DLG2: variants seen among roughly 807,000 people sequenced by gnomAD.
The protein encoded by DLG2 is discs large MAGUK scaffold protein 2, also known as disks large homolog 2.
In DLG2, 45 loss-of-function variants were observed where a neutral mutation model predicts 132.5. The observed-to-expected ratio is 0.34, with a 90% confidence interval of 0.27 to 0.44. The LOEUF is 0.44. Among genes scored for constraint, DLG2 ranks in the 20% least tolerant of loss-of-function variants. The pLI is 1.00. For synonymous variants in DLG2, 424 were observed against 419.6 expected (o/e 1.01, Z -0.13); for missense variants, 1,045 against 1,196.9 (o/e 0.87, Z 1.87).
At chr11:84,409,116 C>T (rs1438040761) in intron 7 of DLG2, among the ~76,000 whole-genome samples, 12 of 152,176 alleles carry the variant, frequency 7.9e-5, no homozygotes, top group African/African-American at 2.9e-4. Context: ...ATATTGAATT[C>T]CTTGCACTTC....
intron 26 of DLG2, among the ~76,000 whole-genome samples, chr11:83,465,542 A>G (rs1382559736): frequency 6.6e-6 from 1 of 152,194 alleles, no homozygotes; most frequent in Non-Finnish European, 1.5e-5. Flanking sequence ...CTCATGACAG[A>G]CACATTGGCA....
chr11:84,671,929 T>TGGATGGAAGGCAAGCTTCAGA (rs1333573926), intron 6 of DLG2, among the ~76,000 whole-genome samples: 1 of 152,168 alleles, frequency 6.6e-6, no homozygotes, highest in African/African-American at 2.4e-5. Flanking sequence ...CTGTGTTCCC[T>TGGATGGAAGGCAAGCTTCAGA]GGATGGAAGG....
At chr11:84,180,608 G>A in intron 8 of DLG2, among the ~76,000 whole-genome samples, 1 of 152,034 alleles carries the variant, frequency 6.6e-6, no homozygotes, top group African/African-American at 2.4e-5. Context: ...CCCAATAACT[G>A]GCATCTAGGC....
At chr11:84,612,051 C>T (rs1327245531) in intron 6 of DLG2, among the ~76,000 whole-genome samples, 1 of 152,144 alleles carries the variant, frequency 6.6e-6, no homozygotes, top group Non-Finnish European at 1.5e-5. Context: ...AGATAATGAA[C>T]ATATCCATTG....
chr11:84,570,553 G>T (rs142386360), intron 6 of DLG2, among the ~76,000 whole-genome samples: 4 of 152,200 alleles, frequency 2.6e-5, no homozygotes, highest in African/African-American at 4.8e-5. Context: ...AGTACCATCT[G>T]GTATAGAGTC....
chr11:84,198,983 T>C (rs1046287642), intron 8 of DLG2, among the ~76,000 whole-genome samples: 4 of 152,136 alleles, frequency 2.6e-5, no homozygotes, highest in Non-Finnish European at 4.4e-5. Flanking sequence ...AACAGAGCTA[T>C]GGATAACGGT....
chr11:84,394,991 A>T (rs2098806412), intron 7 of DLG2, among the ~76,000 whole-genome samples: 1 of 152,036 alleles, frequency 6.6e-6, no homozygotes, highest in African/African-American at 2.4e-5. Context: ...TTGGATACTC[A>T]CCAGTCCTCA....
At chr11:84,748,010 A>G (rs1303118590) in intron 6 of DLG2, among the ~76,000 whole-genome samples, 2 of 152,150 alleles carry the variant, frequency 1.3e-5, no homozygotes, top group African/African-American at 4.8e-5. Flanking sequence ...ATAGGCTGCC[A>G]TTCCCCTGTT....
intron 11 of DLG2, among the ~76,000 whole-genome samples, chr11:83,997,996 A>C (rs10898188): frequency 6.6e-6 from 1 of 151,452 alleles, no homozygotes; most frequent in African/African-American, 2.4e-5. Context: ...TTAGCTGGGC[A>C]TGGTGGTGTG....
intron 7 of DLG2, among the ~76,000 whole-genome samples, chr11:84,372,333 C>T (rs911028603): frequency 3.3e-5 from 5 of 152,106 alleles, no homozygotes; most frequent in African/African-American, 9.7e-5. Context: ...TCTAATTATA[C>T]ACAACAAAGA....
At chr11:84,146,195 T>G (rs546889597) in intron 9 of DLG2, among the ~76,000 whole-genome samples, 2 of 152,338 alleles carry the variant, frequency 1.3e-5, no homozygotes, top group African/African-American at 4.8e-5. Context: ...GTATAAGCTT[T>G]GGGGTATTAA....
chr11:84,879,356 TATAAG>T (rs940043911), intron 6 of DLG2, among the ~76,000 whole-genome samples: 11 of 152,164 alleles, frequency 7.2e-5, no homozygotes, highest in African/African-American at 1.7e-4. Context: ...TACTAAGAAA[TATAAG>T]ATAATTCTTG....
intron 7 of DLG2, among the ~76,000 whole-genome samples, chr11:84,391,013 C>G (rs887961366): frequency 7.9e-5 from 12 of 152,164 alleles, no homozygotes; most frequent in African/African-American, 2.9e-4. Flanking sequence ...TGCTAATTCT[C>G]TTCCTATCTC....
chr11:85,192,892 T>C (rs1186679545), intron 4 of DLG2, among the ~76,000 whole-genome samples: 2 of 152,194 alleles, frequency 1.3e-5, no homozygotes, highest in Non-Finnish European at 1.5e-5. Flanking sequence ...GGATTTAGAT[T>C]AGGACAGGGC....
chr11:85,599,348 T>TTCTCTC (rs373131909), intron 2 of DLG2, among the ~76,000 whole-genome samples: 2 of 147,508 alleles, frequency 1.4e-5, no homozygotes, highest in African/African-American at 5.0e-5. Context: ...ACCTCTCTCT[T>TTCTCTC]TCTCTCTCTC....
intron 8 of DLG2, among the ~76,000 whole-genome samples, chr11:84,244,511 A>G (rs1327509566): frequency 6.6e-6 from 1 of 152,188 alleles, no homozygotes; most frequent in Non-Finnish European, 1.5e-5. Flanking sequence ...AGCAGTTAAG[A>G]GTAGGGATTC....
intron 9 of DLG2, among the ~76,000 whole-genome samples, chr11:84,137,604 A>G (rs1305505941): frequency 1.3e-5 from 2 of 152,170 alleles, no homozygotes; most frequent in East Asian, 3.9e-4. Context: ...CACACAAGAC[A>G]AGTCTCTGAA....
intron 10 of DLG2, among the ~76,000 whole-genome samples, chr11:84,086,837 C>A (rs1315213322): frequency 6.6e-6 from 1 of 152,084 alleles, no homozygotes; most frequent in Non-Finnish European, 1.5e-5. Context: ...CTATTACTAG[C>A]CCCTGGCAAC....
chr11:84,749,233 C>G (rs1487182029), intron 6 of DLG2, among the ~76,000 whole-genome samples: 2 of 152,086 alleles, frequency 1.3e-5, no homozygotes, highest in Non-Finnish European at 2.9e-5. Flanking sequence ...CATGTCCAAA[C>G]AAACAATCTA....
Sources: gnomAD v4.1 joint callset for allele counts (sites outside exome capture counted in the v4.1 genomes callset) on GRCh38, gnomAD v4.1.1 for gene constraint, MANE v1.5 for transcripts, NCBI Gene and HGNC (gene_info 2026-07-23, HGNC 2026-07-21) for gene names.